The following RTN2 variants were observed in gnomAD, a reference collection of about 807,000 sequenced individuals.
The protein encoded by RTN2 is reticulon 2.
In RTN2, 36 loss-of-function variants were observed where a neutral mutation model predicts 63.7. The observed-to-expected ratio is 0.56, with a 90% confidence interval of 0.43 to 0.75. RTN2 has a LOEUF of 0.75. Among genes scored for constraint, RTN2 ranks in the 30% least tolerant of loss-of-function variants. The pLI is 0.00. For missense variants in RTN2, 673 were observed against 705.1 expected (o/e 0.95, Z 0.52); for synonymous variants, 312 against 313.0 (o/e 1.00, Z 0.03).
At position 45,497,026 on chromosome 19, in the gene RTN2, G is replaced by A. The variant is rs991387516; in HGVS notation, c.-201C>T. ...GCTCGGCTCGGCGGGGGCGGGCGGG[G>A]CCGAGGTGGGGAAGGCACTGCAGCG... is the stretch of plus-strand genomic sequence containing the variant. On this transcript the variant is annotated 5_prime_UTR_variant, in exon 1 of 11. Coordinates refer to ENST00000245923, the MANE Select transcript of RTN2 (RefSeq NM_005619.5). The A allele has an allele frequency of 2.1e-5, 5 of 234,776 alleles. No individual in the cohort carries two copies. The highest frequency in any genetic ancestry group is 9.9e-5 in the East Asian group (1 of 10,112). 14.5% of individuals were successfully genotyped at this position (234,776 alleles called of 1,614,324 possible). A position where few individuals can be genotyped will look rare whatever the true frequency, so the allele number is the denominator to read the frequency against.
At position 45,494,425 on chromosome 19, in the gene RTN2, T is replaced by TA; in HGVS notation, c.560-6dup. 6.2e-7 allele frequency: 1 copy of TA among 1,609,788 alleles called. No individual in the cohort carries two copies. Among genetic ancestry groups the TA allele is most frequent in the Non-Finnish European group, 8.5e-7 (1 of 1,176,680 alleles). ...GTCGGAGTCGTAGGTCCAGTTCTGA[T>TA]ACGGTAGAGAGAGGAGGCCGTGAGC... On this transcript the variant is annotated splice_polypyrimidine_tract_variant and splice_region_variant and intron_variant, in intron 3 of 10. Coordinates refer to ENST00000245923, the MANE Select transcript of RTN2 (RefSeq NM_005619.5). This position sits in a 1 kb window ranked among gnomAD's most constrained non-coding sequence, Gnocchi z 5.3.
Position 45,488,534 on chromosome 19 carries a change from G to C in RTN2, c.1451-17C>G. ...CAATCACTCCTGTGGGTACAGAGAT[G>C]GGGGCGTCAGGGTGTTCCCAAGAGA... On this transcript the variant is annotated splice_polypyrimidine_tract_variant and intron_variant, in intron 8 of 10. Transcript: ENST00000245923. 1.2e-6 allele frequency: 2 copies of C among 1,613,956 alleles called. No individual in the cohort carries two copies. Among genetic ancestry groups the C allele is most frequent in the Non-Finnish European group, 8.5e-7 (1 of 1,179,916 alleles).
chr19:45,494,271 C>CCAG lies in RTN2; in HGVS notation c.706_708dup (p.Leu236dup). On this transcript the variant is annotated inframe_insertion, in exon 4 of 11. Coordinates refer to ENST00000245923, the MANE Select transcript of RTN2 (RefSeq NM_005619.5). The surrounding 1 kb of genome is among the most constrained non-coding windows in gnomAD (Gnocchi z 5.3). ...GGCCCCCACTGCTTTTCTTCCTCTTCCAGCAATGGCTCTTCGGGCCCAGAG... is the reference window on the plus strand; with the variant it reads ...GGCCCCCACTGCTTTTCTTCCTCTTCCAGCAGCAATGGCTCTTCGGGCCCAGAG... 1 of 1,613,912 alleles carries CCAG rather than the reference C, an allele frequency of 6.2e-7. No homozygotes were observed. Among genetic ancestry groups the CCAG allele is most frequent in the Non-Finnish European group, 8.5e-7 (1 of 1,180,030 alleles).
chr19:45,495,249 T>A, intron 1 of RTN2, 110 bp from the exon 2 acceptor site: 1 of 1,273,396 alleles, frequency 7.9e-7, no homozygotes, highest in East Asian at 2.5e-5. Flanking sequence ...TTTTAGAACA[T>A]TCTGCACACA....
At chr19:45,490,236 G>A (rs1004326701) in intron 5 of RTN2, among the ~76,000 whole-genome samples, 7 of 151,780 alleles carry the variant, frequency 4.6e-5, no homozygotes, top group African/African-American at 9.7e-5. Flanking sequence ...TCCTGACCTC[G>A]TGGTCCACCC....
Position 45,485,524 on chromosome 19 carries a change from C to T in RTN2, c.*184G>A, listed in dbSNP as rs567358509. On this transcript the variant is annotated 3_prime_UTR_variant, in exon 11 of 11. Coordinates refer to ENST00000245923, the MANE Select transcript of RTN2 (RefSeq NM_005619.5). ...TTCCTGGACTCCTGGAGCAGAGCCT[C>T]TTGGGAAATGTAGTCCTGGTCGCTC... 3 of 595,954 alleles carry T rather than the reference C, an allele frequency of 5.0e-6. No individual in the cohort carries two copies. The Admixed American group carries it at 8.8e-5, about 17-fold the overall frequency. The allele number at this position is 595,954 out of a possible 1,614,324, so 36.9% of individuals were successfully genotyped here.
chr19:45,495,057 C>T, intron 2 of RTN2, 38 bp downstream of exon 2: 1 of 1,614,166 alleles, frequency 6.2e-7, no homozygotes, highest in Non-Finnish European at 8.5e-7. Context: ...CCTGAGCTGC[C>T]CAGCCCTGAG....
chr19:45,494,585 G>A lies in RTN2; in HGVS notation c.500C>T (p.Pro167Leu). The change falls in exon 3 of 11, where the codon CCG becomes CTG. Residue 167 changes from proline (P) to leucine (L), a missense_variant. Pro to Leu is a moderately conservative substitution (Grantham distance 98, BLOSUM62 -3). Coordinates refer to ENST00000245923, the MANE Select transcript of RTN2 (RefSeq NM_005619.5). This position sits in a 1 kb window ranked among gnomAD's most constrained non-coding sequence, Gnocchi z 5.3. ...GEDSSTSSSTPLEDEEPQEPN... is the reference protein window; with the variant it reads ...GEDSSTSSSTLLEDEEPQEPN... ...TTCTTGGGGTTCTTCGTCTTCCAGC[G>A]GGGTGGAGCTGCTGGTGGAAGAGTC... is the stretch of plus-strand genomic sequence containing the variant. The A allele has an allele frequency of 6.2e-7, 1 of 1,614,044 alleles. No homozygotes were observed. Among genetic ancestry groups the A allele is most frequent in the African/African-American group, 1.3e-5 (1 of 75,044 alleles).
At position 45,493,242 on chromosome 19, in the gene RTN2, G is replaced by A; in HGVS notation, c.951C>T (p.Leu317=). 2 of 1,613,916 alleles carry A rather than the reference G, an allele frequency of 1.2e-6. No individual in the cohort carries two copies. Among genetic ancestry groups the A allele is most frequent in the Non-Finnish European group, 1.7e-6 (2 of 1,180,024 alleles). The change falls in exon 5 of 11, where the codon CTC becomes CTT. Residue 317 remains leucine (L), a synonymous_variant. Coordinates refer to ENST00000245923, the MANE Select transcript of RTN2 (RefSeq NM_005619.5). ...QRGPTPPTPV[L]RVLLKWAKSP... is the part of the protein sequence containing the mutation. ...ATTTTGCCCACTTCAGTAGAACCCGGAGGACAGGAGTAGGGGGGGTGGGGC... is the reference window on the plus strand; with the variant it reads ...ATTTTGCCCACTTCAGTAGAACCCGAAGGACAGGAGTAGGGGGGGTGGGGC...
intron 1 of RTN2, among the ~76,000 whole-genome samples, chr19:45,495,379 G>A (rs917357263): frequency 2.2e-4 from 34 of 152,098 alleles, no homozygotes; most frequent in Admixed American, 1.9e-3. Context: ...TCATTCATTC[G>A]TTCAACAACC....
rs947758738 is a variant in RTN2, at chr19:45,485,621, G to T, written c.*87C>A. On this transcript the variant is annotated 3_prime_UTR_variant, in exon 11 of 11. Transcript: ENST00000245923. ...CGGGAAAAGGCTCGGGCCGAGGAGG[G>T]GGGTGGGTGGGAACGGACAAGAGAT... 1.9e-6 allele frequency: 2 copies of T among 1,073,228 alleles called. No homozygotes were observed. Among genetic ancestry groups the T allele is most frequent in the East Asian group, 2.4e-5 (1 of 42,050 alleles). The allele number at this position is 1,073,228 out of a possible 1,614,324, so 66.5% of individuals were successfully genotyped here.
chr19:45,493,017 G>GCC (rs1968193440), intron 5 of RTN2, 143 bp downstream of exon 5: 1 of 860,008 alleles, frequency 1.2e-6, no homozygotes, highest in African/African-American at 1.7e-5. Flanking sequence ...TCCCTATACT[G>GCC]CCCCTCGGCC....
At chr19:45,493,916 C>T (rs1968214366) in intron 4 of RTN2, 2 of 485,422 alleles carry the variant, frequency 4.1e-6, no homozygotes, top group Non-Finnish European at 3.7e-6. Flanking sequence ...TCTCGAACTC[C>T]TCACCTCAAG....
chr19:45,495,766 G>C (rs180832630), intron 1 of RTN2, among the ~76,000 whole-genome samples: 153 of 152,298 alleles, frequency 1.0e-3, no homozygotes, highest in Non-Finnish European at 1.9e-3. Context: ...GGAACTGAGA[G>C]GTGCGAAGAT....
Position 45,494,922 on chromosome 19 carries a change from C to T in RTN2, c.163G>A (p.Asp55Asn), listed in dbSNP as rs751046301. The stretch of plus-strand genomic sequence containing the variant: ...GTCAGCTCCCGGGGGGTGCCCCAGT[C>T]CTGCGACGTGGTCTCCTCCTCGTCC... The part of the protein sequence containing the change: ...EEDEEETTSQ[D>N]WGTPRELTFS... Residue 55 changes from aspartate (D) to asparagine (N), a missense_variant, in exon 3 of 11, where the codon GAC becomes AAC. Coordinates refer to ENST00000245923, the MANE Select transcript of RTN2 (RefSeq NM_005619.5). This position sits in a 1 kb window ranked among gnomAD's most constrained non-coding sequence, Gnocchi z 5.3. The T allele has an allele frequency of 1.9e-6, 3 of 1,613,600 alleles. 1 individual carries two copies. The South Asian group carries it at 3.3e-5, about 18-fold the overall frequency.
chr19:45,494,787 G>T lies in RTN2; in HGVS notation c.298C>A (p.His100Asn). 6.2e-7 allele frequency: 1 copy of T among 1,605,570 alleles called. No homozygotes were observed. ...GRSVSEPRDQ[H>N]PQPSLGDSLE... ...CTGTCGCCCAGGCTGGGCTGAGGGT[G>T]CTGGTCTCGTGGTTCCGAGACTGAG... The change falls in exon 3 of 11, where the codon CAC becomes AAC. Residue 100 changes from histidine (H) to asparagine (N), a missense_variant. By Grantham distance (68) the His-to-Asn change is moderately conservative. Coordinates refer to ENST00000245923, the MANE Select transcript of RTN2 (RefSeq NM_005619.5). This position sits in a 1 kb window ranked among gnomAD's most constrained non-coding sequence, Gnocchi z 5.3.
chr19:45,485,435 A>C lies in RTN2; in HGVS notation c.*273T>G, dbSNP rs1485361718. ...CCTCCAGCGGCGGGTCCGGAAGTGCAGGGTGGTGCCCTGTCTAGGCAACTA... is the reference window on the plus strand; with the variant it reads ...CCTCCAGCGGCGGGTCCGGAAGTGCCGGGTGGTGCCCTGTCTAGGCAACTA... On this transcript the variant is annotated 3_prime_UTR_variant, in exon 11 of 11. Transcript: ENST00000245923. The C allele has an allele frequency of 4.2e-6, 2 of 471,962 alleles. No individual in the cohort carries two copies. Among genetic ancestry groups the C allele is most frequent in the East Asian group, 3.5e-5 (1 of 28,502 alleles). 29.2% of individuals were successfully genotyped at this position (471,962 alleles called of 1,614,324 possible). A position where few individuals can be genotyped will look rare whatever the true frequency, so the allele number is the denominator to read the frequency against.
At chr19:45,485,928 G>T in intron 10 of RTN2, 127 bp downstream of exon 10, 1 of 1,176,338 alleles carries the variant, frequency 8.5e-7, no homozygotes, top group Non-Finnish European at 1.3e-6. Flanking sequence ...GCCTACATTG[G>T]AATTGCCTCC....
intron 1 of RTN2, among the ~76,000 whole-genome samples, chr19:45,496,275 A>G (rs1231046003): frequency 7.2e-5 from 11 of 152,180 alleles, no homozygotes; most frequent in Non-Finnish European, 1.2e-4. Context: ...AGTGGTAAAG[A>G]CCGCTAAGAA....
Sources: allele counts gnomAD v4.1 joint callset (sites outside exome capture counted in the v4.1 genomes callset), GRCh38; gene constraint gnomAD v4.1.1; non-coding constraint Gnocchi (gnomAD v3.1); transcripts MANE v1.5; gene names NCBI Gene and HGNC (gene_info 2026-07-23, HGNC 2026-07-21).